NCAPG2: variants seen among roughly 807,000 people sequenced by gnomAD.
The protein encoded by NCAPG2 is condensin-2 complex subunit G2.
NCAPG2 carries 53 observed loss-of-function variants against 141.1 expected under a neutral mutation model. The ratio of observed to expected loss-of-function variants is 0.38; its 90% confidence interval spans 0.30 to 0.47. The LOEUF is 0.47. Among genes scored for constraint, NCAPG2 ranks in the 20% least tolerant of loss-of-function variants. The pLI is 0.99. For missense variants in NCAPG2, 1,087 were observed against 1,389.0 expected (o/e 0.78, Z 3.46); for synonymous variants, 499 against 490.7 (o/e 1.02, Z -0.22).
At chr7:158,658,492 C>T (rs892057952) in intron 16 of NCAPG2, 84 bp from the exon 17 acceptor site, 2 of 1,236,676 alleles carry the variant, frequency 1.6e-6, no homozygotes, top group Non-Finnish European at 2.2e-6. Context: ...TTCCTGATAA[C>T]TTACTACCAA....
chr7:158,667,046 G>A, intron 13 of NCAPG2: 1 of 827,392 alleles, frequency 1.2e-6, no homozygotes. Flanking sequence ...TCCAACAGCT[G>A]TCCTCTGGCC....
At chr7:158,667,745 C>G (rs11764931) in intron 13 of NCAPG2, among the ~76,000 whole-genome samples, 4 of 90,486 alleles carry the variant, frequency 4.4e-5, no homozygotes, top group Non-Finnish European at 4.2e-5. Flanking sequence ...TGTGGCCCTC[C>G]GCCCTCCCTT....
chr7:158,647,285 G>A (rs1563502014), intron 24 of NCAPG2, among the ~76,000 whole-genome samples: 1 of 152,176 alleles, frequency 6.6e-6, no homozygotes, highest in Non-Finnish European at 1.5e-5. Context: ...GCTGTTGGAG[G>A]CTGAAGAGCA....
chr7:158,637,515 C>T (rs530687939), intron 27 of NCAPG2, among the ~76,000 whole-genome samples: 46 of 152,096 alleles, frequency 3.0e-4, no homozygotes, highest in African/African-American at 1.1e-3. Context: ...CAAGCCCCCA[C>T]CCCATCCGAG....
At chr7:158,701,193 C>T (rs777653013) in intron 2 of NCAPG2, among the ~76,000 whole-genome samples, 6 of 152,230 alleles carry the variant, frequency 3.9e-5, no homozygotes, top group Non-Finnish European at 5.9e-5. Flanking sequence ...AGTGCCATCA[C>T]TTCACTACCA....
chr7:158,672,787 C>T (rs933302213), intron 12 of NCAPG2, among the ~76,000 whole-genome samples: 6 of 152,290 alleles, frequency 3.9e-5, no homozygotes, highest in East Asian at 3.9e-4. Flanking sequence ...CACTGGACAC[C>T]GGCCACCGGC....
intron 24 of NCAPG2, among the ~76,000 whole-genome samples, chr7:158,647,907 A>G (rs1831149924): frequency 6.6e-6 from 1 of 151,918 alleles, no homozygotes; most frequent in African/African-American, 2.4e-5. Context: ...TTGGCCTCGA[A>G]CTCCTGGCCT....
intron 4 of NCAPG2, among the ~76,000 whole-genome samples, chr7:158,692,338 G>A (rs1269809403): frequency 1.3e-5 from 1 of 75,024 alleles, no homozygotes; most frequent in Non-Finnish European, 2.9e-5. Flanking sequence ...AAATAAATAA[G>A]TATTCAGGAC....
intron 26 of NCAPG2, among the ~76,000 whole-genome samples, chr7:158,644,972 C>T (rs1830902466): frequency 6.6e-6 from 1 of 152,104 alleles, no homozygotes; most frequent in African/African-American, 2.4e-5. Flanking sequence ...GCAAATAATA[C>T]AGAAAGGTAA....
At chr7:158,700,819 C>G (rs1357300579) in intron 2 of NCAPG2, among the ~76,000 whole-genome samples, 1 of 152,180 alleles carries the variant, frequency 6.6e-6, no homozygotes, top group Admixed American at 6.5e-5. Context: ...TGCCAAGGGT[C>G]TCCTGCCCCA....
intron 27 of NCAPG2, among the ~76,000 whole-genome samples, chr7:158,637,024 T>C (rs1427447420): frequency 6.6e-6 from 1 of 151,696 alleles, no homozygotes; most frequent in African/African-American, 2.4e-5. Context: ...CTTGGCTCAC[T>C]GCAAGTTCCG....
intron 24 of NCAPG2, among the ~76,000 whole-genome samples, chr7:158,650,312 T>A (rs1382859096): frequency 6.6e-6 from 1 of 152,198 alleles, no homozygotes; most frequent in Admixed American, 6.5e-5. Flanking sequence ...CCCAAAGTGC[T>A]GGGATTACAG....
chr7:158,634,162 A>G (rs1830044018), intron 27 of NCAPG2, among the ~76,000 whole-genome samples: 1 of 150,204 alleles, frequency 6.7e-6, no homozygotes, highest in Non-Finnish European at 1.5e-5. Context: ...TCTGTGGGAG[A>G]TGTGTTCCAG....
chr7:158,656,802 G>T, intron 17 of NCAPG2, 97 bp from the exon 18 acceptor site: 1 of 1,380,510 alleles, frequency 7.2e-7, no homozygotes, highest in South Asian at 1.4e-5. Context: ...AAATCTGACG[G>T]TGCATAAGCC....
chr7:158,667,254 G>C (rs1028397003), intron 13 of NCAPG2: 45 of 982,508 alleles, frequency 4.6e-5, no homozygotes, highest in Non-Finnish European at 5.3e-5. Context: ...TGGTGGGCCA[G>C]AGACCCTGTG....
At position 158,662,185 on chromosome 7, in the gene NCAPG2, A is replaced by C. The variant is rs1360682562; in HGVS notation, c.1989+9T>G. ...TATACCTTGCTTACAAGTATAGTTC[A>C]AGACTTACCTTAAATACTTTCAGAT... is the stretch of plus-strand genomic sequence containing the variant. On this transcript the variant is annotated intron_variant, in intron 16 of 27. Transcript: ENST00000356309. The C allele has an allele frequency of 1.9e-6, 3 of 1,599,080 alleles. No homozygotes were observed. In the African/African-American group the frequency reaches 4.0e-5, roughly 22 times the overall value.
At position 158,655,358 on chromosome 7, in the gene NCAPG2, C is replaced by T; in HGVS notation, c.2486G>A (p.Ser829Asn). 6.2e-7 allele frequency: 1 copy of T among 1,614,182 alleles called. No individual in the cohort carries two copies. The highest frequency in any genetic ancestry group is 1.1e-5 in the South Asian group (1 of 91,088). The change falls in exon 20 of 28, where the codon AGC becomes AAC. Residue 829 changes from serine (S) to asparagine (N), a missense_variant. By Grantham distance (46) the Ser-to-Asn change is conservative (BLOSUM62 1). Coordinates refer to ENST00000356309, the MANE Select transcript of NCAPG2 (RefSeq NM_017760.7). The part of the protein sequence containing the change: ...PRAFGLHCRL[S>N]IHLQHKFCSE... ...GCACACCTTGTGCTGAAGATGGATGCTCAGGCGACAGTGGAGACCAAAGGC... is the reference window on the plus strand; with the variant it reads ...GCACACCTTGTGCTGAAGATGGATGTTCAGGCGACAGTGGAGACCAAAGGC...
chr7:158,650,625 T>C (rs1248561370), intron 24 of NCAPG2, among the ~76,000 whole-genome samples: 1 of 152,220 alleles, frequency 6.6e-6, no homozygotes, highest in Non-Finnish European at 1.5e-5. Flanking sequence ...ATAATATCCT[T>C]GGTATATGTT....
At position 158,648,546 on chromosome 7, in the gene NCAPG2, G is replaced by A. The variant is rs1464008596; in HGVS notation, c.3076-1983C>T. On this transcript the variant is annotated intron_variant, in intron 24 of 27. Coordinates refer to ENST00000356309, the MANE Select transcript of NCAPG2 (RefSeq NM_017760.7). Reference sequence around the variant, plus strand: ...ACCACGCCAAATGGACGACAACCACGGCAAATGGACGACAACCACGCCAAA... The same window carrying A: ...ACCACGCCAAATGGACGACAACCACAGCAAATGGACGACAACCACGCCAAA... Among the ~76,000 whole-genome samples the A allele has an allele frequency of 2.1e-5, 3 of 143,016 alleles. 1 individual carries two copies. Among genetic ancestry groups the A allele is most frequent in the African/African-American group, 7.7e-5 (3 of 38,860 alleles). 93.8% of individuals were successfully genotyped at this position (143,016 alleles called of 152,430 possible).
Sources: gnomAD v4.1 joint callset for allele counts (sites outside exome capture counted in the v4.1 genomes callset) on GRCh38, gnomAD v4.1.1 for gene constraint, MANE v1.5 for transcripts, NCBI Gene and HGNC (gene_info 2026-07-23, HGNC 2026-07-21) for gene names.